LHFPL1: variants seen among roughly 807,000 people sequenced by gnomAD.
The protein encoded by LHFPL1 is LHFPL tetraspan subfamily member 1 protein.
In LHFPL1, 4 loss-of-function variants were observed where a neutral mutation model predicts 12.1. The ratio of observed to expected loss-of-function variants is 0.33; its 90% CI spans 0.16 to 0.76. The LOEUF (loss-of-function observed/expected upper bound fraction) is 0.76. Among genes scored for constraint, LHFPL1 ranks in the 30% least tolerant of loss-of-function variants. The pLI is 0.61. For missense variants in LHFPL1, 141 were observed against 174.1 expected (o/e 0.81, Z 1.07); for synonymous variants, 52 against 61.9 (o/e 0.84, Z 0.75).
intron 3 of LHFPL1, among the ~76,000 whole-genome samples, chrX:112,646,744 G>A (rs1386779554): frequency 2.7e-5 from 3 of 109,178 alleles, no homozygotes; most frequent in Non-Finnish European, 5.7e-5. Flanking sequence ...TGGGGGTGGA[G>A]ATAGGGGTTG....
intron 3 of LHFPL1, among the ~76,000 whole-genome samples, chrX:112,631,853 G>C (rs1930199834): frequency 9.0e-6 from 1 of 111,684 alleles, no homozygotes; most frequent in African/African-American, 3.3e-5. Context: ...GTAGGAGCCT[G>C]GGGGTGGTAT....
At chrX:112,675,135 G>A (rs1301310354) in intron 1 of LHFPL1, among the ~76,000 whole-genome samples, 1 of 111,290 alleles carries the variant, frequency 9.0e-6, no homozygotes, top group Non-Finnish European at 1.9e-5. Flanking sequence ...GGGGGAAGGC[G>A]AGGGATAAAA....
chrX:112,675,029 T>C (rs1455569206), intron 1 of LHFPL1, among the ~76,000 whole-genome samples: 1 of 111,783 alleles, frequency 8.9e-6, no homozygotes, highest in Non-Finnish European at 1.9e-5. Flanking sequence ...AATGGAAAAC[T>C]GAACATCATA....
chrX:112,657,925 A>G (rs1010818339), intron 3 of LHFPL1, among the ~76,000 whole-genome samples: 1 of 109,360 alleles, frequency 9.1e-6, no homozygotes, highest in Non-Finnish European at 1.9e-5. Context: ...AAAAAAAAAG[A>G]AAAAGGAAAA....
intron 1 of LHFPL1, among the ~76,000 whole-genome samples, chrX:112,677,646 T>C (rs1931688387): frequency 1.1e-5 from 1 of 93,220 alleles, no homozygotes; most frequent in Admixed American, 1.2e-4. Context: ...GATCTTTCTG[T>C]TTCAGACAAA....
At chrX:112,649,269 T>C (rs1930784728) in intron 3 of LHFPL1, among the ~76,000 whole-genome samples, 1 of 112,307 alleles carries the variant, frequency 8.9e-6, no homozygotes, top group Non-Finnish European at 1.9e-5. Flanking sequence ...GACTTTCTTA[T>C]ATATTTTTAT....
intron 3 of LHFPL1, among the ~76,000 whole-genome samples, chrX:112,644,682 A>C (rs1188926231): frequency 9.0e-6 from 1 of 111,624 alleles, no homozygotes; most frequent in Non-Finnish European, 1.9e-5. Flanking sequence ...TCAGAGTGCC[A>C]AAGTGAGGTG....
intron 3 of LHFPL1, among the ~76,000 whole-genome samples, chrX:112,649,918 G>A (rs1164276784): frequency 9.1e-6 from 1 of 109,389 alleles, no homozygotes; most frequent in African/African-American, 3.3e-5. Flanking sequence ...TATGTTGCTG[G>A]ACATGACTTC....
At chrX:112,670,146 C>G (rs946520652) in intron 2 of LHFPL1, among the ~76,000 whole-genome samples, 1 of 112,538 alleles carries the variant, frequency 8.9e-6, no homozygotes, top group African/African-American at 3.2e-5. Context: ...TTCTAAAACT[C>G]TGTAACAACA....
intron 3 of LHFPL1, among the ~76,000 whole-genome samples, chrX:112,636,756 T>A (rs921184081): frequency 2.7e-5 from 3 of 112,008 alleles, no homozygotes; most frequent in Non-Finnish European, 3.8e-5. Context: ...GGAAAAATAA[T>A]TAAGTACCTG....
At chrX:112,673,871 C>T (rs1217754742) in intron 1 of LHFPL1, among the ~76,000 whole-genome samples, 1 of 111,858 alleles carries the variant, frequency 8.9e-6, no homozygotes, top group African/African-American at 3.3e-5. Context: ...AACCCAATTT[C>T]TCCAGACATA....
At chrX:112,633,984 C>G (rs777182404) in intron 3 of LHFPL1, among the ~76,000 whole-genome samples, 1 of 111,643 alleles carries the variant, frequency 9.0e-6, no homozygotes, top group African/African-American at 3.3e-5. Context: ...ACACACACTC[C>G]CTGGTTCACA....
chrX:112,668,194 G>A, intron 2 of LHFPL1, among the ~76,000 whole-genome samples: 1 of 112,068 alleles, frequency 8.9e-6, no homozygotes, highest in African/African-American at 3.2e-5. Context: ...GGCCCAAAAT[G>A]CTGCCCAGCC....
intron 3 of LHFPL1, among the ~76,000 whole-genome samples, chrX:112,644,721 C>T (rs1930637509): frequency 8.9e-6 from 1 of 111,736 alleles, no homozygotes; most frequent in African/African-American, 3.3e-5. Flanking sequence ...AATCAAAACC[C>T]AGGTGCCCTG....
At chrX:112,675,980 A>G (rs11152736) in intron 1 of LHFPL1, among the ~76,000 whole-genome samples, 26,119 of 111,756 alleles carry the variant, frequency 0.23, 4,763 homozygotes, top group African/African-American at 0.63. Context: ...AGATCCAATT[A>G]CTTAATAGCT....
intron 3 of LHFPL1, among the ~76,000 whole-genome samples, chrX:112,656,805 T>C (rs1009193221): frequency 8.9e-6 from 1 of 112,228 alleles, no homozygotes; most frequent in African/African-American, 3.2e-5. Context: ...CCTAATCCAC[T>C]GAATGGAATA....
intron 3 of LHFPL1, among the ~76,000 whole-genome samples, chrX:112,652,351 T>A (rs1285772443): frequency 8.9e-6 from 1 of 112,041 alleles, no homozygotes; most frequent in Non-Finnish European, 1.9e-5. Flanking sequence ...CAAGTCCTTT[T>A]CCAGGCCTCA....
In LHFPL1 at chrX:112,671,361, G is replaced by C. The variant is rs142928314; in HGVS notation, c.30C>G (p.Thr10=). 1.3e-5 allele frequency: 16 copies of C among 1,210,178 alleles called. No homozygotes were observed. The African/African-American group carries it at 2.4e-4, about 19-fold the overall frequency. Residue 10 remains threonine, a synonymous_variant, in exon 2 of 4, where the codon ACC becomes ACG. Coordinates refer to ENST00000371968, the MANE Select transcript of LHFPL1 (RefSeq NM_178175.4). ...TAACAAGGGACAGGAAGGCCCAGAG[G>C]GTTCCCACCATGGTCAGGCTGCTCC... MRSSLTMVG[T]LWAFLSLVTA... is the part of the protein sequence containing the mutation.
chrX:112,666,187 G>A (rs1172747896), intron 2 of LHFPL1, among the ~76,000 whole-genome samples: 1 of 111,777 alleles, frequency 8.9e-6, no homozygotes, highest in African/African-American at 3.3e-5. Flanking sequence ...AGCCTAGTAT[G>A]GGTTAATTTG....
Sources: allele counts gnomAD v4.1 joint callset (sites outside exome capture counted in the v4.1 genomes callset), GRCh38; gene constraint gnomAD v4.1.1; transcripts MANE v1.5; gene names NCBI Gene and HGNC (gene_info 2026-07-23, HGNC 2026-07-21).